DPH6: variants seen among roughly 807,000 people sequenced by gnomAD.
The protein encoded by DPH6 is diphthine--ammonia ligase.
In DPH6, 33 loss-of-function variants were observed where a neutral mutation model predicts 38.2. That is an observed-to-expected ratio of 0.86 (90% confidence interval 0.65 to 1.15). The LOEUF (loss-of-function observed/expected upper bound fraction) is 1.15. DPH6 is among the 50% of genes most tolerant of loss of function. The probability of loss-of-function intolerance (pLI) is 0.00; values close to 1 mark genes in which losing one functional copy is unlikely to be tolerated. For missense variants in DPH6, 325 were observed against 320.0 expected (o/e 1.02, Z -0.12); for synonymous variants, 108 against 103.0 (o/e 1.05, Z -0.30).
chr15:35,508,927 A>C (rs2141211746), intron 3 of DPH6, among the ~76,000 whole-genome samples: 1 of 152,302 alleles, frequency 6.6e-6, no homozygotes, highest in South Asian at 2.1e-4. Context: ...AAGGCTAAAA[A>C]CCATAAGGAA....
At chr15:35,333,293 G>C (rs1475878176) in intron 3 of DPH6, among the ~76,000 whole-genome samples, 2 of 152,262 alleles carry the variant, frequency 1.3e-5, no homozygotes, top group Non-Finnish European at 2.9e-5. Context: ...CGAATACTTG[G>C]TATCTTGCAA....
At chr15:35,259,585 A>C (rs1014975245) in intron 3 of DPH6, among the ~76,000 whole-genome samples, 2 of 152,246 alleles carry the variant, frequency 1.3e-5, no homozygotes, top group Admixed American at 6.5e-5. Flanking sequence ...TGAAAATTTC[A>C]AACAAGTTAA....
At chr15:35,176,499 T>A in the DPH6 span, among the ~76,000 whole-genome samples, 72 of 151,986 alleles carry the variant, frequency 4.7e-4, no homozygotes, top group Admixed American at 8.5e-4. Context: ...AAGATGGAGT[T>A]TCACTCTTGT....
intron 3 of DPH6, among the ~76,000 whole-genome samples, chr15:35,283,950 C>T (rs999940724): frequency 6.6e-6 from 1 of 152,148 alleles, no homozygotes; most frequent in Non-Finnish European, 1.5e-5. Context: ...TTTATCTTTG[C>T]TGTAGTAATT....
chr15:35,443,351 A>G (rs1566911618), intron 5 of DPH6, among the ~76,000 whole-genome samples: 1 of 152,176 alleles, frequency 6.6e-6, no homozygotes, highest in Non-Finnish European at 1.5e-5. Flanking sequence ...TAAGTAAATA[A>G]TACTGTTCTG....
the DPH6 span, among the ~76,000 whole-genome samples, chr15:35,150,915 G>A: frequency 6.6e-6 from 1 of 152,236 alleles, no homozygotes; most frequent in Non-Finnish European, 1.5e-5. Context: ...GGCTCCAAAT[G>A]ATGATGTTTC....
chr15:35,302,807 T>TC, intron 3 of DPH6, among the ~76,000 whole-genome samples: 1 of 152,096 alleles, frequency 6.6e-6, no homozygotes, highest in Non-Finnish European at 1.5e-5. Context: ...TTTTTTTTTT[T>TC]CTCATGGCAT....
chr15:35,255,361 C>T (rs1014187957), intron 3 of DPH6, among the ~76,000 whole-genome samples: 1 of 152,126 alleles, frequency 6.6e-6, no homozygotes, highest in African/African-American at 2.4e-5. Flanking sequence ...GTTTGAGAAT[C>T]AATAGAGTAA....
chr15:35,538,859 G>A (rs72705157), intron 2 of DPH6, among the ~76,000 whole-genome samples: 4,052 of 151,816 alleles, frequency 0.027, 96 homozygotes, highest in South Asian at 0.035. Context: ...ATCTAGACTT[G>A]TAGAAAAAAA....
chr15:35,197,741 T>C, the DPH6 span, among the ~76,000 whole-genome samples: 1 of 152,338 alleles, frequency 6.6e-6, no homozygotes, highest in African/African-American at 2.4e-5. Context: ...TCTTGGGCAT[T>C]GGTCTGAGAA....
intron 1 of DPH6, 79 bp from the exon 2 acceptor site, chr15:35,542,586 G>GT: frequency 7.8e-7 from 1 of 1,276,594 alleles, no homozygotes; most frequent in Non-Finnish European, 1.1e-6. Context: ...TATCAAAACA[G>GT]AACATATCAT....
intron 5 of DPH6, among the ~76,000 whole-genome samples, chr15:35,427,754 T>C (rs544034498): frequency 2.4e-4 from 37 of 151,884 alleles, no homozygotes; most frequent in Admixed American, 1.2e-3. Flanking sequence ...CATGAGAGTA[T>C]TGGGGAAAAT....
intron 3 of DPH6, among the ~76,000 whole-genome samples, chr15:35,222,847 G>C (rs1390694833): frequency 6.6e-6 from 1 of 152,052 alleles, no homozygotes; most frequent in African/African-American, 2.4e-5. Context: ...AAGATCTTGA[G>C]GCCCACAAGG....
At chr15:35,497,919 A>G (rs2054578124) in intron 3 of DPH6, among the ~76,000 whole-genome samples, 1 of 152,216 alleles carries the variant, frequency 6.6e-6, no homozygotes, top group Non-Finnish European at 1.5e-5. Context: ...TGATGATAAC[A>G]AACCGAAAGA....
chr15:35,256,115 T>C (rs988432242), intron 3 of DPH6, among the ~76,000 whole-genome samples: 2 of 152,172 alleles, frequency 1.3e-5, no homozygotes, highest in South Asian at 2.1e-4. Context: ...GTTTCTCTAA[T>C]TGTTAACATC....
chr15:35,327,470 T>C (rs1456905039), downstream of DPH6, among the ~76,000 whole-genome samples: 1 of 151,604 alleles, frequency 6.6e-6, no homozygotes, highest in East Asian at 2.0e-4. Context: ...CTCAGCCTCC[T>C]GAGTAGTTGG....
chr15:35,546,102 C>T lies in DPH6; in HGVS notation c.23+17G>A, dbSNP rs1301236094. On this transcript the variant is annotated intron_variant, in intron 1 of 8. Transcript: ENST00000256538. Reference sequence around the variant, plus strand: ...GCCTGGCCTAGGAGGAAGGAGGCGGCTCCAGGACCGCATTACCTGATCAGA... The same window carrying T: ...GCCTGGCCTAGGAGGAAGGAGGCGGTTCCAGGACCGCATTACCTGATCAGA... 2.9e-6 allele frequency: 4 copies of T among 1,398,916 alleles called. No individual in the cohort carries two copies. In the African/African-American group the frequency reaches 5.9e-5, roughly 21 times the overall value. The allele number at this position is 1,398,916 out of a possible 1,614,324, so 86.7% of individuals were successfully genotyped here.
chr15:35,402,015 A>G (rs1204491083), intron 6 of DPH6, among the ~76,000 whole-genome samples: 1 of 152,208 alleles, frequency 6.6e-6, no homozygotes, highest in Non-Finnish European at 1.5e-5. Context: ...GCATTCCAAC[A>G]AAGGGTATCA....
At chr15:35,528,165 C>T (rs532479880) in intron 3 of DPH6, among the ~76,000 whole-genome samples, 3 of 152,220 alleles carry the variant, frequency 2.0e-5, no homozygotes, top group African/African-American at 7.2e-5. Flanking sequence ...TTGCTTACTT[C>T]TGTGAATCCA....
Sources: allele counts gnomAD v4.1 joint callset (sites outside exome capture counted in the v4.1 genomes callset), GRCh38; gene constraint gnomAD v4.1.1; transcripts MANE v1.5; gene names NCBI Gene and HGNC (gene_info 2026-07-23, HGNC 2026-07-21).